ZHX3: variants seen among roughly 807,000 people sequenced by gnomAD.
ZHX3 encodes zinc fingers and homeoboxes protein 3.
A neutral mutation model predicts 64.5 loss-of-function variants in ZHX3; 20 were observed. The observed-to-expected ratio is 0.31, with a 90% CI of 0.22 to 0.45. The LOEUF is 0.45. ZHX3 is among the 20% of genes least tolerant of loss of function. The pLI is 1.00. For missense variants in ZHX3, 1,041 were observed against 1,195.8 expected (o/e 0.87, Z 1.91); for synonymous variants, 423 against 461.6 (o/e 0.92, Z 1.07).
chr20:41,258,196 A>C (rs1478284246), intron 2 of ZHX3, among the ~76,000 whole-genome samples: 1 of 152,178 alleles, frequency 6.6e-6, no homozygotes, highest in Non-Finnish European at 1.5e-5. Context: ...CACTGCACCT[A>C]GCCAAGATTT....
At chr20:41,197,287 ATATATTTTATATATAAT>A (rs2037804261) in intron 3 of ZHX3, 1 of 145,844 alleles carries the variant, frequency 6.9e-6, no homozygotes, top group Non-Finnish European at 1.5e-5. Context: ...TAAAATACAT[ATATATTTTATATATAAT>A]TGTATATATT....
chr20:41,184,905 G>T lies in ZHX3; in HGVS notation c.*286C>A. Reference sequence around the variant, plus strand: ...AGCTTGATTCTGTGTCTATGAATATGACTATGAACTCTGAACTATTTTATC... The same window carrying T: ...AGCTTGATTCTGTGTCTATGAATATTACTATGAACTCTGAACTATTTTATC... On this transcript the variant is annotated 3_prime_UTR_variant, in exon 4 of 4. Transcript: ENST00000683867. 1 of 1,531,230 alleles carries T rather than the reference G, an allele frequency of 6.5e-7. No individual in the cohort carries two copies. Among genetic ancestry groups the T allele is most frequent in the Non-Finnish European group, 8.8e-7 (1 of 1,142,174 alleles). 94.9% of individuals were successfully genotyped at this position (1,531,230 alleles called of 1,614,324 possible).
At chr20:41,205,461 G>A (rs1195555003) in intron 2 of ZHX3, among the ~76,000 whole-genome samples, 7 of 150,698 alleles carry the variant, frequency 4.6e-5, no homozygotes, top group African/African-American at 1.2e-4. Context: ...ACCAACACGC[G>A]GTTTTCTTTT....
intron 3 of ZHX3, among the ~76,000 whole-genome samples, chr20:41,186,205 G>T (rs578130141): frequency 6.6e-6 from 1 of 151,944 alleles, no homozygotes; most frequent in Non-Finnish European, 1.5e-5. Flanking sequence ...ACCTTCTATC[G>T]CTATGCCTTT....
chr20:41,194,767 CAGTT>C, intron 3 of ZHX3, among the ~76,000 whole-genome samples: 1 of 152,080 alleles, frequency 6.6e-6, no homozygotes. Flanking sequence ...ATTTATTTGT[CAGTT>C]GATTTTGGGA....
rs1208052962 is a variant in ZHX3 at position 41,201,178 on chromosome 20, A to C, written c.2860+879T>G. ...CATCACATTGCCCAACACCACAAAT[A>C]GTGTCTCCTGTACCCCCTCCCACAT... On this transcript the variant is annotated intron_variant, in intron 3 of 3. Transcript: ENST00000683867. This position sits in a 1 kb window ranked among gnomAD's most constrained non-coding sequence, Gnocchi z 5.0. 2 of 709,082 alleles carry C rather than the reference A, an allele frequency of 2.8e-6. No homozygotes were observed. The highest frequency in any genetic ancestry group is 1.4e-4 in the East Asian group (2 of 14,296). The allele number at this position is 709,082 out of a possible 1,614,324, so 43.9% of individuals were successfully genotyped here. A position where few individuals can be genotyped will look rare whatever the true frequency, so the allele number is the denominator to read the frequency against.
At chr20:41,265,997 A>G (rs2146596055) in intron 2 of ZHX3, among the ~76,000 whole-genome samples, 1 of 152,244 alleles carries the variant, frequency 6.6e-6, no homozygotes, top group South Asian at 2.1e-4. Context: ...AGCAATAGAT[A>G]ATTATTCTCT....
At position 41,181,823 on chromosome 20, in the gene ZHX3, C is replaced by A. The variant is rs923457078; in HGVS notation, c.*3368G>T. ...CATGTGTGAGCCCGCAAGGCACTACCCAATGTTCTGTCCAACTTCCTCCTT... is the reference window on the plus strand; with the variant it reads ...CATGTGTGAGCCCGCAAGGCACTACACAATGTTCTGTCCAACTTCCTCCTT... On this transcript the variant is annotated 3_prime_UTR_variant, in exon 4 of 4. Transcript: ENST00000683867. The A allele has an allele frequency of 1.6e-4, 24 of 152,310 alleles. No homozygotes were observed. 9.4% of individuals were successfully genotyped at this position (152,310 alleles called of 1,614,324 possible).
intron 2 of ZHX3, among the ~76,000 whole-genome samples, chr20:41,231,821 C>A (rs2040623861): frequency 6.6e-6 from 1 of 152,110 alleles, no homozygotes; most frequent in Non-Finnish European, 1.5e-5. Flanking sequence ...ATTCTATCAG[C>A]CAACAGCTAA....
At chr20:41,229,583 T>A (rs1433961449) in intron 2 of ZHX3, among the ~76,000 whole-genome samples, 1 of 152,230 alleles carries the variant, frequency 6.6e-6, no homozygotes, top group Non-Finnish European at 1.5e-5. Flanking sequence ...TCTTTTTTTT[T>A]CTTCAGAGTT....
At chr20:41,257,830 C>G (rs1462923711) in intron 2 of ZHX3, among the ~76,000 whole-genome samples, 1 of 145,640 alleles carries the variant, frequency 6.9e-6, no homozygotes. Context: ...CCAGGCTGGT[C>G]TCGAACTCCT....
At position 41,219,022 on chromosome 20, in the gene ZHX3, C is replaced by T. The variant is rs1394843345; in HGVS notation, c.-150-13956G>A. ...TCGGCTCACTGCAAGCTCCACCTCC[C>T]GGGTTCACGCCACTCTCCTGCCTCA... On this transcript the variant is annotated intron_variant, in intron 2 of 3. Transcript: ENST00000683867. This position sits in a 1 kb window ranked among gnomAD's most constrained non-coding sequence, Gnocchi z 5.0. Among the ~76,000 whole-genome samples, 7 of 151,780 alleles carry T rather than the reference C, an allele frequency of 4.6e-5. No individual in the cohort carries two copies. The highest frequency in any genetic ancestry group is 2.1e-4 in the South Asian group (1 of 4,780).
intron 2 of ZHX3, among the ~76,000 whole-genome samples, chr20:41,251,202 T>G (rs2041976741): frequency 6.6e-6 from 1 of 151,984 alleles, no homozygotes; most frequent in African/African-American, 2.4e-5. Context: ...TCCCAGCTAT[T>G]TGGGAGGCTA....
At chr20:41,233,995 A>T (rs2040797202) in intron 2 of ZHX3, among the ~76,000 whole-genome samples, 1 of 152,190 alleles carries the variant, frequency 6.6e-6, no homozygotes, top group Non-Finnish European at 1.5e-5. Context: ...AATGGCAACA[A>T]ACAAGCAAAC....
intron 3 of ZHX3, among the ~76,000 whole-genome samples, chr20:41,188,902 A>C (rs770415801): frequency 2.0e-5 from 3 of 152,148 alleles, no homozygotes; most frequent in Non-Finnish European, 2.9e-5. Flanking sequence ...TTGAGGTCTT[A>C]GCCATAAAAT....
chr20:41,233,639 T>C (rs774745064), intron 2 of ZHX3, among the ~76,000 whole-genome samples: 4 of 152,112 alleles, frequency 2.6e-5, no homozygotes, highest in African/African-American at 7.2e-5. Context: ...CGGGTGTAAA[T>C]AGATCAGCTG....
intron 1 of ZHX3, among the ~76,000 whole-genome samples, chr20:41,271,512 C>A (rs926022424): frequency 2.6e-5 from 4 of 152,132 alleles, no homozygotes; most frequent in African/African-American, 9.7e-5. Flanking sequence ...TGCTTCACAT[C>A]TACAGATTTT....
At position 41,182,830 on chromosome 20, in the gene ZHX3, G is replaced by A. The variant is rs2036294389; in HGVS notation, c.*2361C>T. The A allele has an allele frequency of 6.6e-6, 1 of 152,272 alleles. No homozygotes were observed. The highest frequency in any genetic ancestry group is 2.4e-5 in the African/African-American group (1 of 41,456). The allele number at this position is 152,272 out of a possible 1,614,324, so 9.4% of individuals were successfully genotyped here. On this transcript the variant is annotated 3_prime_UTR_variant, in exon 4 of 4. Transcript: ENST00000683867. The surrounding 1 kb of genome is among the most constrained non-coding windows in gnomAD (Gnocchi z 6.1). ...AAGATGAGCTAGTGCCCATGGCTGG[G>A]TCACTGTAGGTCCTGCATGAACTTG...
intron 2 of ZHX3, among the ~76,000 whole-genome samples, chr20:41,222,329 T>A (rs768500688): frequency 3.3e-5 from 5 of 152,350 alleles, no homozygotes; most frequent in African/African-American, 7.2e-5. Flanking sequence ...AGTGTTGCCA[T>A]CAACCAAGAT....
Sources: gnomAD v4.1 joint callset for allele counts (sites outside exome capture counted in the v4.1 genomes callset) on GRCh38, gnomAD v4.1.1 for gene constraint, Gnocchi (gnomAD v3.1) non-coding constraint, MANE v1.5 for transcripts, NCBI Gene and HGNC (gene_info 2026-07-23, HGNC 2026-07-21) for gene names.